The following EPS15 variants were observed in gnomAD, a reference collection of about 807,000 sequenced individuals.
EPS15 encodes epidermal growth factor receptor substrate 15.
In EPS15, 72 loss-of-function variants were observed where a neutral mutation model predicts 113.8. That is an observed-to-expected ratio of 0.63 (90% confidence interval 0.52 to 0.77). The LOEUF is 0.77. EPS15 is among the 30% of genes least tolerant of loss of function. EPS15 has a pLI of 0.00. For synonymous variants in EPS15, 344 were observed against 363.4 expected, an observed-to-expected ratio of 0.95 and a Z score of 0.61; for missense variants, 1,048 against 1,045.8, an observed-to-expected ratio of 1.00 and a Z score of -0.03.
rs1644015998 is a variant in EPS15 at position 51,481,279 on chromosome 1, A to G, written c.69T>C (p.Tyr23=). The change falls in exon 2 of 25, where the codon TAT becomes TAC. Residue 23 remains tyrosine, a synonymous_variant. Coordinates refer to ENST00000371733, the MANE Select transcript of EPS15 (RefSeq NM_001981.3). ...SSGNPVYEKY[Y]RQVDTGNTGR... The stretch of plus-strand genomic sequence containing the variant: ...AATGAAACAAAAATCTTACCTGTCT[A>G]TAGTATTTTTCATATACAGGATTCC... 2 of 1,366,884 alleles carry G rather than the reference A, an allele frequency of 1.5e-6. No individual in the cohort carries two copies. The highest frequency in any genetic ancestry group is 2.1e-6 in the Non-Finnish European group (2 of 957,780). The allele number at this position is 1,366,884 out of a possible 1,614,324, so 84.7% of individuals were successfully genotyped here.
At chr1:51,390,161 C>T (rs1647226457) in intron 21 of EPS15, among the ~76,000 whole-genome samples, 1 of 152,062 alleles carries the variant, frequency 6.6e-6, no homozygotes, top group African/African-American at 2.4e-5. Context: ...AATAACGCCG[C>T]ATATCTACAA....
intron 1 of EPS15, among the ~76,000 whole-genome samples, chr1:51,505,267 G>A (rs1026255321): frequency 6.6e-6 from 1 of 152,082 alleles, no homozygotes; most frequent in African/African-American, 2.4e-5. Context: ...CAGCCAAAAG[G>A]TGGAAACCAC....
chr1:51,508,357 A>AAAGG (rs1374228313), intron 1 of EPS15, among the ~76,000 whole-genome samples: 2 of 150,414 alleles, frequency 1.3e-5, no homozygotes, highest in African/African-American at 4.9e-5. Context: ...AGAAAGAAAG[A>AAAGG]AAGAAAGAAA....
intron 1 of EPS15, among the ~76,000 whole-genome samples, chr1:51,483,292 T>C (rs1441266657): frequency 6.6e-6 from 1 of 152,206 alleles, no homozygotes; most frequent in African/African-American, 2.4e-5. Flanking sequence ...ATTGTACTAT[T>C]TCACTATTAG....
chr1:51,423,321 C>A (rs1262445189), intron 12 of EPS15: 1 of 1,257,708 alleles, frequency 8.0e-7, no homozygotes, highest in Non-Finnish European at 1.0e-6. Flanking sequence ...ATTTATCATG[C>A]AAAGACCATC....
Position 51,399,633 on chromosome 1 carries a change from C to T in EPS15, c.1919-468G>A, listed in dbSNP as rs150046237. Among the ~76,000 whole-genome samples, 1,198 of 151,822 alleles carry T rather than the reference C, an allele frequency of 7.9e-3. 19 individuals carry two copies. Among genetic ancestry groups the T allele is most frequent in the African/African-American group, 0.028 (1,160 of 41,406 alleles). On this transcript the variant is annotated intron_variant, in intron 19 of 24. Transcript: ENST00000371733. ...CAGCACTTTGGGAGGTTGAGGTAGACGGATGACTTGAGCTCAGGAGTTTAA... is the reference window on the plus strand; with the variant it reads ...CAGCACTTTGGGAGGTTGAGGTAGATGGATGACTTGAGCTCAGGAGTTTAA...
At chr1:51,397,878 G>A (rs1009219974) in intron 20 of EPS15, among the ~76,000 whole-genome samples, 2 of 152,110 alleles carry the variant, frequency 1.3e-5, no homozygotes, top group African/African-American at 4.8e-5. Context: ...TTTACCTACA[G>A]ACATGAAACT....
chr1:51,447,116 GA>G lies in EPS15; in HGVS notation c.652-12del, dbSNP rs770240165. ...AGGGGATACAACCCACTACAGGGAG[GA>G]AAAAAAACAGTATTTCTGCCAAAAT... On this transcript the variant is annotated splice_polypyrimidine_tract_variant and intron_variant, in intron 9 of 24. Transcript: ENST00000371733. 2,278 of 1,575,746 alleles carry G rather than the reference GA, an allele frequency of 1.4e-3. 4 individuals are homozygous for G. Among genetic ancestry groups the G allele is most frequent in the Middle Eastern group, 5.6e-3 (33 of 5,848 alleles).
At chr1:51,387,613 G>A (rs1392255052) in intron 21 of EPS15, among the ~76,000 whole-genome samples, 4 of 152,222 alleles carry the variant, frequency 2.6e-5, no homozygotes, top group Middle Eastern at 3.4e-3. Flanking sequence ...CAAAATAGAA[G>A]GATGGAGGAA....
intron 2 of EPS15, among the ~76,000 whole-genome samples, chr1:51,474,640 A>T (rs1655475071): frequency 6.6e-6 from 1 of 152,286 alleles, no homozygotes; most frequent in South Asian, 2.1e-4. Flanking sequence ...TCAACTTAGT[A>T]GCCTCTGCTT....
At chr1:51,484,110 C>CT (rs915312753) in intron 1 of EPS15, among the ~76,000 whole-genome samples, 5 of 151,766 alleles carry the variant, frequency 3.3e-5, no homozygotes, top group South Asian at 4.2e-4. Context: ...GACCCTGTCT[C>CT]TCAAAAAAAA....
chr1:51,445,054 A>G lies in EPS15; in HGVS notation c.798-9T>C. On this transcript the variant is annotated splice_polypyrimidine_tract_variant and intron_variant, in intron 10 of 24. Coordinates refer to ENST00000371733, the MANE Select transcript of EPS15 (RefSeq NM_001981.3). ...TTGTGTCGCATAATGACCTGCACAAATAAACAAAATGAATGGTATGTAAGT... is the reference window on the plus strand; with the variant it reads ...TTGTGTCGCATAATGACCTGCACAAGTAAACAAAATGAATGGTATGTAAGT... 2 of 1,609,708 alleles carry G rather than the reference A, an allele frequency of 1.2e-6. No individual in the cohort carries two copies. Among genetic ancestry groups the G allele is most frequent in the Non-Finnish European group, 1.7e-6 (2 of 1,177,646 alleles).
intron 13 of EPS15, among the ~76,000 whole-genome samples, chr1:51,410,054 A>G (rs1649552751): frequency 6.6e-6 from 1 of 151,468 alleles, no homozygotes; most frequent in South Asian, 2.1e-4. Context: ...TGTCTCTAAC[A>G]AAAATGCAAA....
Position 51,356,482 on chromosome 1 carries a change from G to A in EPS15, c.*218C>T. On this transcript the variant is annotated 3_prime_UTR_variant, in exon 25 of 25. Transcript: ENST00000371733. ...TACCAGAACAGGGGCCTAAGTGAAG[G>A]TGAATTTGTCTGACTGGGTTACGGC... 1 of 463,320 alleles carries A rather than the reference G, an allele frequency of 2.2e-6. No homozygotes were observed. The highest frequency in any genetic ancestry group is 2.1e-5 in the African/African-American group (1 of 48,648). The allele number at this position is 463,320 out of a possible 1,614,324, so 28.7% of individuals were successfully genotyped here.
chr1:51,412,852 G>A lies in EPS15; in HGVS notation c.1114-3156C>T, dbSNP rs768955883. On this transcript the variant is annotated intron_variant, in intron 13 of 24. Coordinates refer to ENST00000371733, the MANE Select transcript of EPS15 (RefSeq NM_001981.3). The stretch of plus-strand genomic sequence containing the variant: ...TTACCAAATTATTTTAGCTTTCATC[G>A]TTCCTTCCTTGACATACAACTGGGT... Among the ~76,000 whole-genome samples the A allele has an allele frequency of 2.0e-4, 30 of 152,030 alleles. 1 individual carries two copies. Among genetic ancestry groups the A allele is most frequent in the African/African-American group, 2.4e-4 (10 of 41,460 alleles).
intron 20 of EPS15, 45 bp downstream of exon 20, chr1:51,398,987 A>G (rs763117103): frequency 7.7e-6 from 12 of 1,550,304 alleles, no homozygotes; most frequent in Admixed American, 3.6e-5. Flanking sequence ...TGCTTAGGAC[A>G]CTTATTATCC....
At chr1:51,505,636 C>A (rs909373076) in intron 1 of EPS15, among the ~76,000 whole-genome samples, 5 of 152,018 alleles carry the variant, frequency 3.3e-5, no homozygotes, top group African/African-American at 1.2e-4. Flanking sequence ...CTGAATTGTA[C>A]ACTTTATAGG....
intron 14 of EPS15, among the ~76,000 whole-genome samples, chr1:51,408,685 T>A (rs1381236523): frequency 1.3e-5 from 2 of 152,110 alleles, no homozygotes; most frequent in African/African-American, 4.8e-5. Flanking sequence ...AATGGCACGA[T>A]CACAGCTCAC....
At position 51,357,426 on chromosome 1, in the gene EPS15, ATT is replaced by A. The variant is rs570842498; in HGVS notation, c.2545-582_2545-581del. On this transcript the variant is annotated intron_variant, in intron 24 of 24. Coordinates refer to ENST00000371733, the MANE Select transcript of EPS15 (RefSeq NM_001981.3). ...TATATATATATATATATATATATATATTTTTTTTTTTTAAATGTGATATATAT... is the reference window on the plus strand; with the variant it reads ...TATATATATATATATATATATATATATTTTTTTTTTAAATGTGATATATAT... 3.7e-3 allele frequency among the ~76,000 whole-genome samples: 198 copies of A among 53,490 alleles called. 2 individuals carry two copies. Among genetic ancestry groups the A allele is most frequent in the South Asian group, 7.4e-3 (8 of 1,084 alleles). 35.1% of individuals were successfully genotyped at this position (53,490 alleles called of 152,430 possible).
Sources: allele counts gnomAD v4.1 joint callset (sites outside exome capture counted in the v4.1 genomes callset), GRCh38; gene constraint gnomAD v4.1.1; transcripts MANE v1.5; gene names NCBI Gene and HGNC (gene_info 2026-07-23, HGNC 2026-07-21).